Variants in NCOR1 observed in about 807,000 individuals in gnomAD.
NCOR1 encodes the protein protein phosphatase 1, regulatory subunit 109.
A neutral mutation model predicts 288.1 loss-of-function variants in NCOR1; 63 were observed. That is an observed-to-expected ratio of 0.22 (90% CI 0.18 to 0.27). The LOEUF is 0.27. Ranked by LOEUF, NCOR1 falls within the 10% of genes least tolerant of loss-of-function variation. The probability of loss-of-function intolerance (pLI) is 1.00; values close to 1 mark genes in which losing one functional copy is unlikely to be tolerated. For missense variants in NCOR1, 2,397 were observed against 3,019.2 expected (o/e 0.79, Z 4.83); for synonymous variants, 1,007 against 1,065.9 (o/e 0.94, Z 1.08).
intron 42 of NCOR1, chr17:16,041,232 T>C (rs924931939): frequency 6.6e-6 from 1 of 152,100 alleles, no homozygotes; most frequent in Non-Finnish European, 1.5e-5. Context: ...GATAACAGCA[T>C]AAGACCTGGG....
Position 16,057,864 on chromosome 17 carries a change from T to A in NCOR1, c.6168+43A>T, listed in dbSNP as rs530449689. 8 of 1,543,132 alleles carry A rather than the reference T, an allele frequency of 5.2e-6. No individual in the cohort carries two copies. The African/African-American group carries it at 8.4e-5, about 16-fold the overall frequency. On this transcript the variant is annotated intron_variant, in intron 39 of 45. Transcript: ENST00000268712. ...TATATGAAATCTGCTTTCCCCATGA[T>A]CAAAAAAGAAAAATTAACTAATAAG...
chr17:16,039,386 C>T, intron 44 of NCOR1, 47 bp downstream of exon 44: 10 of 1,581,482 alleles, frequency 6.3e-6, no homozygotes, highest in Non-Finnish European at 8.6e-6. Flanking sequence ...AATAAACTGG[C>T]TTTTTTGGGG....
chr17:16,108,702 A>G, intron 19 of NCOR1, 84 bp downstream of exon 19: 1 of 1,197,426 alleles, frequency 8.4e-7, no homozygotes, highest in South Asian at 1.9e-5. Context: ...TTCCTCAATG[A>G]AGCAACTCCT....
chr17:16,134,462 G>T (rs1005047081), intron 14 of NCOR1, among the ~76,000 whole-genome samples: 2 of 152,192 alleles, frequency 1.3e-5, no homozygotes, highest in African/African-American at 4.8e-5. Flanking sequence ...TCAGGTCAAG[G>T]TGAGGGTATA....
At chr17:16,115,116 G>A (rs1424582577) in intron 18 of NCOR1, among the ~76,000 whole-genome samples, 4 of 152,170 alleles carry the variant, frequency 2.6e-5, no homozygotes, top group Admixed American at 1.3e-4. Flanking sequence ...TATGGAAGCT[G>A]CAAAGGCTTG....
At chr17:16,211,604 C>CG (rs1202699772) in intron 1 of NCOR1, among the ~76,000 whole-genome samples, 1 of 151,880 alleles carries the variant, frequency 6.6e-6, no homozygotes. Flanking sequence ...GCAGGACATA[C>CG]GGAAGAAGCA....
chr17:16,064,741 CT>C lies in NCOR1; in HGVS notation c.5101+128del. 1.3e-5 allele frequency: 11 copies of C among 861,254 alleles called. No homozygotes were observed. In the South Asian group the frequency reaches 2.5e-4, roughly 19 times the overall value. The allele number at this position is 861,254 out of a possible 1,614,324, so 53.4% of individuals were successfully genotyped here. ...AGTGACAGCTGGCACATAAGAACTACTATTAAATGTTAAAAGAAAAACAAGA... is the reference window on the plus strand; with the variant it reads ...AGTGACAGCTGGCACATAAGAACTACATTAAATGTTAAAAGAAAAACAAGA... On this transcript the variant is annotated intron_variant, in intron 34 of 45. Transcript: ENST00000268712.
chr17:16,215,154 C>T (rs1190331609), intron 1 of NCOR1, among the ~76,000 whole-genome samples: 1 of 152,240 alleles, frequency 6.6e-6, no homozygotes, highest in Non-Finnish European at 1.5e-5. Flanking sequence ...GCTAGCCCAG[C>T]CCGAGCTCCC....
At chr17:16,108,974 G>T in intron 18 of NCOR1, 62 bp from the exon 19 acceptor site, 1 of 1,359,120 alleles carries the variant, frequency 7.4e-7, no homozygotes. Flanking sequence ...ATTCATTTCT[G>T]AAATAATGTA....
intron 20 of NCOR1, among the ~76,000 whole-genome samples, chr17:16,100,659 T>C (rs1479709145): frequency 2.0e-5 from 3 of 152,204 alleles, no homozygotes; most frequent in Admixed American, 2.0e-4. Context: ...AAAAAACTTG[T>C]AAATTAATCT....
chr17:16,166,092 T>C (rs2081955640), intron 4 of NCOR1, among the ~76,000 whole-genome samples: 1 of 152,196 alleles, frequency 6.6e-6, no homozygotes, highest in Non-Finnish European at 1.5e-5. Context: ...TTTCAGCTAA[T>C]ATACACTGAT....
chr17:16,139,597 T>C (rs2076882444), intron 11 of NCOR1, among the ~76,000 whole-genome samples: 1 of 152,202 alleles, frequency 6.6e-6, no homozygotes, highest in Non-Finnish European at 1.5e-5. Flanking sequence ...TTTACCGTCA[T>C]ATTACAGAAC....
chr17:16,077,852 T>C (rs1485129060), intron 26 of NCOR1, among the ~76,000 whole-genome samples: 2 of 152,158 alleles, frequency 1.3e-5, no homozygotes, highest in Admixed American at 6.5e-5. Context: ...CAACCTAATA[T>C]AAATTTTCTA....
At chr17:16,138,281 G>A (rs955425306) in intron 12 of NCOR1, 69 bp from the exon 13 acceptor site, 1 of 1,346,554 alleles carries the variant, frequency 7.4e-7, no homozygotes, top group African/African-American at 1.5e-5. Context: ...AAAAAAACTT[G>A]GGAAAAGAAA....
chr17:16,137,473 A>C, intron 13 of NCOR1, 61 bp from the exon 14 acceptor site: 1 of 879,640 alleles, frequency 1.1e-6, no homozygotes, highest in South Asian at 2.0e-5. Flanking sequence ...TTTTTAATTA[A>C]ATATTACTTC....
At chr17:16,184,120 A>G (rs1334530147) in intron 3 of NCOR1, among the ~76,000 whole-genome samples, 1 of 152,212 alleles carries the variant, frequency 6.6e-6, no homozygotes. Context: ...CAGAAACTAT[A>G]AAAGTCCTGC....
At chr17:16,172,144 A>G in intron 3 of NCOR1, 149 bp from the exon 4 acceptor site, 2 of 565,684 alleles carry the variant, frequency 3.5e-6, no homozygotes, top group Non-Finnish European at 3.0e-6. Flanking sequence ...CCCACCCCCA[A>G]AGAATATATA....
chr17:16,136,343 G>A (rs1032221817), intron 14 of NCOR1, among the ~76,000 whole-genome samples: 1 of 151,966 alleles, frequency 6.6e-6, no homozygotes, highest in Non-Finnish European at 1.5e-5. Flanking sequence ...GCACCATCAT[G>A]CCCGGCTAAT....
chr17:16,035,862 A>C (rs1308733218), intron 44 of NCOR1, among the ~76,000 whole-genome samples: 2 of 151,510 alleles, frequency 1.3e-5, no homozygotes, highest in Non-Finnish European at 2.9e-5. Context: ...TTTCTCCTAC[A>C]CCTGCAGTGA....
Sources: allele counts gnomAD v4.1 joint callset (sites outside exome capture counted in the v4.1 genomes callset), GRCh38; gene constraint gnomAD v4.1.1; transcripts MANE v1.5; gene names NCBI Gene and HGNC (gene_info 2026-07-23, HGNC 2026-07-21).